Variants in CTSO observed in about 807,000 individuals in gnomAD.
CTSO encodes the protein cathepsin O.
Under a neutral mutation model 42.4 loss-of-function variants are expected in CTSO, and 40 were observed. The ratio of observed to expected loss-of-function variants is 0.94; its 90% CI spans 0.73 to 1.23. The LOEUF (loss-of-function observed/expected upper bound fraction) is 1.23. Among genes scored for constraint, CTSO ranks in the 50% most tolerant of loss-of-function variants. The probability of loss-of-function intolerance (pLI) is 0.00; values close to 1 mark genes in which losing one functional copy is unlikely to be tolerated. For missense variants in CTSO, 441 were observed against 396.0 expected, an observed-to-expected ratio of 1.11 and a Z score of -0.96; for synonymous variants, 156 against 146.2, an observed-to-expected ratio of 1.07 and a Z score of -0.48.
At chr4:155,931,786 T>TAA (rs1743238177) in intron 5 of CTSO, among the ~76,000 whole-genome samples, 2 of 150,872 alleles carry the variant, frequency 1.3e-5, no homozygotes, top group Non-Finnish European at 2.9e-5. Flanking sequence ...TAATTCGTTA[T>TAA]TATTATAACG....
chr4:155,935,532 C>T (rs552006629), intron 5 of CTSO, among the ~76,000 whole-genome samples: 57 of 152,186 alleles, frequency 3.7e-4, no homozygotes, highest in African/African-American at 1.2e-3. Context: ...TTCACTTGAA[C>T]ATAACCTTTT....
At chr4:155,932,498 C>G (rs780245901) in intron 5 of CTSO, among the ~76,000 whole-genome samples, 1 of 152,176 alleles carries the variant, frequency 6.6e-6, no homozygotes, top group Non-Finnish European at 1.5e-5. Flanking sequence ...GCTGTCACCA[C>G]TGCAATGCAC....
At chr4:155,934,416 C>G (rs543264676) in intron 5 of CTSO, among the ~76,000 whole-genome samples, 2 of 152,210 alleles carry the variant, frequency 1.3e-5, no homozygotes, top group African/African-American at 4.8e-5. Flanking sequence ...GGAGGCTCCA[C>G]ACAGAGTCCC....
chr4:155,926,064 G>C lies in CTSO; in HGVS notation c.938C>G (p.Ala313Gly). ...CACAAATATAGAAGAAACGGAATCT[G>C]CAATACCTAAGGGAAAAAAAAGGAA... ...VKMGSNVCGIADSVSSIFV is the reference protein window; with the variant it reads ...VKMGSNVCGIGDSVSSIFV The change falls in exon 8 of 8, where the codon GCA (alanine) becomes GGA (glycine). Residue 313 changes from alanine (A) to glycine (G), a missense_variant. Coordinates refer to ENST00000433477, the MANE Select transcript of CTSO (RefSeq NM_001334.3). The C allele has an allele frequency of 6.5e-7, 1 of 1,546,980 alleles. No homozygotes were observed. Among genetic ancestry groups the C allele is most frequent in the East Asian group, 2.4e-5 (1 of 42,240 alleles).
At chr4:155,929,503 A>T (rs1394431851) in intron 6 of CTSO, 39 bp downstream of exon 6, 1 of 1,580,826 alleles carries the variant, frequency 6.3e-7, no homozygotes, top group Non-Finnish European at 8.6e-7. Context: ...CTCAGTGTCC[A>T]TGCTGGAAAG....
chr4:155,949,357 A>T (rs1743605721), intron 1 of CTSO, among the ~76,000 whole-genome samples: 1 of 152,218 alleles, frequency 6.6e-6, no homozygotes, highest in Non-Finnish European at 1.5e-5. Flanking sequence ...GGCAGTGAAC[A>T]TCTATTATTT....
In CTSO at chr4:155,929,650, T is replaced by C; in HGVS notation, c.730A>G (p.Ile244Val). The C allele has an allele frequency of 1.9e-6, 3 of 1,614,028 alleles. No homozygotes were observed. The highest frequency in any genetic ancestry group is 2.5e-6 in the Non-Finnish European group (3 of 1,180,000). ...TCTTGCCAGCTCACTGCATCTACTATGACTACCAAAGGGCCAAAGGTAAGA... is the reference window on the plus strand; with the variant it reads ...TCTTGCCAGCTCACTGCATCTACTACGACTACCAAAGGGCCAAAGGTAAGA... ...ALLTFGPLVV[I>V]VDAVSWQDYL... The change falls in exon 6 of 8, where the codon ATA becomes GTA. Residue 244 changes from isoleucine (I) to valine (V), a missense_variant. Ile to Val is a conservative substitution (Grantham distance 29). Coordinates refer to ENST00000433477, the MANE Select transcript of CTSO (RefSeq NM_001334.3).
At position 155,928,359 on chromosome 4, in the gene CTSO, A is replaced by G. The variant is rs749677866; in HGVS notation, c.908T>C (p.Val303Ala). 1.9e-6 allele frequency: 3 copies of G among 1,612,634 alleles called. No homozygotes were observed. The South Asian group carries it at 3.3e-5, about 18-fold the overall frequency. The change falls in exon 7 of 8, where the codon GTC becomes GCC. Residue 303 changes from valine (V) to alanine (A), a missense_variant. By Grantham distance (64) the Val-to-Ala change is moderately conservative (BLOSUM62 0). Transcript: ENST00000433477. ...SSWGVDGYAHVKMGSNVCGIA... is the reference protein window; with the variant it reads ...SSWGVDGYAHAKMGSNVCGIA... ...ACCACAAACATTACTTCCCATTTTG[A>G]CATGGGCATAACCATCTACTCCCCA...
In CTSO at chr4:155,942,476, G is replaced by C; in HGVS notation, c.245-20C>G. 1 of 1,411,394 alleles carries C rather than the reference G, an allele frequency of 7.1e-7. No homozygotes were observed. Among genetic ancestry groups the C allele is most frequent in the Non-Finnish European group, 9.4e-7 (1 of 1,059,760 alleles). The allele number at this position is 1,411,394 out of a possible 1,614,324, so 87.4% of individuals were successfully genotyped here. ...AAATGGCTGAGTAGAAACATAAAAT[G>C]AAAATACAACCAATATTATATTACA... is the stretch of plus-strand genomic sequence containing the variant. On this transcript the variant is annotated intron_variant, in intron 2 of 7. Coordinates refer to ENST00000433477, the MANE Select transcript of CTSO (RefSeq NM_001334.3).
intron 5 of CTSO, among the ~76,000 whole-genome samples, chr4:155,932,203 T>C (rs1191860800): frequency 1.3e-5 from 2 of 152,198 alleles, no homozygotes; most frequent in Admixed American, 1.3e-4. Flanking sequence ...TTTAGATGAT[T>C]TTTTTCCCTT....
rs1743104425 is a variant in CTSO at position 155,924,973 on chromosome 4, A to G, written c.*1063T>C. 1 of 152,206 alleles carries G rather than the reference A, an allele frequency of 6.6e-6. No individual in the cohort carries two copies. The highest frequency in any genetic ancestry group is 6.5e-5 in the Admixed American group (1 of 15,272). The allele number at this position is 152,206 out of a possible 1,614,324, so 9.4% of individuals were successfully genotyped here. ...GGAAAGCTGAGGGGAAAACTGGGAA[A>G]CAGATTCTGGAAAACTCACAGTTTG... On this transcript the variant is annotated 3_prime_UTR_variant, in exon 8 of 8. Transcript: ENST00000433477.
intron 6 of CTSO, 58 bp downstream of exon 6, chr4:155,929,484 C>G: frequency 6.5e-7 from 1 of 1,531,558 alleles, no homozygotes. Context: ...GTATGGTGAT[C>G]ATTTTGCACT....
At chr4:155,943,561 T>G (rs1389434636) in intron 1 of CTSO, among the ~76,000 whole-genome samples, 2 of 151,984 alleles carry the variant, frequency 1.3e-5, no homozygotes, top group Admixed American at 1.3e-4. Context: ...ATTGACATAG[T>G]GGGAAAAAAG....
chr4:155,942,090 T>C (rs1743446791), intron 3 of CTSO, among the ~76,000 whole-genome samples: 1 of 152,000 alleles, frequency 6.6e-6, no homozygotes, highest in South Asian at 2.1e-4. Flanking sequence ...GCAATGGCAA[T>C]TAGTAAGAGT....
chr4:155,930,302 T>C (rs1743212071), intron 5 of CTSO, among the ~76,000 whole-genome samples: 1 of 152,112 alleles, frequency 6.6e-6, no homozygotes, highest in South Asian at 2.1e-4. Context: ...ATATAGAAAT[T>C]ATAGGGAAGG....
chr4:155,929,231 T>C (rs1743187356), intron 6 of CTSO, among the ~76,000 whole-genome samples: 1 of 152,220 alleles, frequency 6.6e-6, no homozygotes, highest in South Asian at 2.1e-4. Context: ...CCTGGCTTGC[T>C]GTCAATAAAT....
Position 155,939,318 on chromosome 4 carries a change from G to A in CTSO, c.552+53C>T, listed in dbSNP as rs535543438. 212 of 1,485,434 alleles carry A rather than the reference G, an allele frequency of 1.4e-4. 1 individual carries two copies. The highest frequency in any genetic ancestry group is 5.4e-4 in the Middle Eastern group (3 of 5,544). 92.0% of individuals were successfully genotyped at this position (1,485,434 alleles called of 1,614,324 possible). Reference sequence around the variant, plus strand: ...AAACTGTTTGAATTTTGAACACACAGTAAACAAGCAAAAAAGGAAATAAAG... The same window carrying A: ...AAACTGTTTGAATTTTGAACACACAATAAACAAGCAAAAAAGGAAATAAAG... On this transcript the variant is annotated intron_variant, in intron 4 of 7. Coordinates refer to ENST00000433477, the MANE Select transcript of CTSO (RefSeq NM_001334.3).
intron 7 of CTSO, 26 bp downstream of exon 7, chr4:155,928,310 G>T: frequency 6.6e-7 from 1 of 1,520,874 alleles, no homozygotes; most frequent in East Asian, 2.3e-5. Context: ...TTATATTGAG[G>T]TTTTAAACAC....
At position 155,935,934 on chromosome 4, in the gene CTSO, A is replaced by G. The variant is rs559200798; in HGVS notation, c.674+1428T>C. 2.6e-5 allele frequency among the ~76,000 whole-genome samples: 4 copies of G among 152,178 alleles called. No individual in the cohort carries two copies. In the East Asian group the frequency reaches 5.8e-4, roughly 22 times the overall value. ...AAGGCCCAATGCCAACAACTCCTGC[A>G]TTCTCTCTTTCCCTTAATTCAGACT... On this transcript the variant is annotated intron_variant, in intron 5 of 7. Transcript: ENST00000433477.
Sources: allele counts gnomAD v4.1 joint callset (sites outside exome capture counted in the v4.1 genomes callset), GRCh38; gene constraint gnomAD v4.1.1; transcripts MANE v1.5; gene names NCBI Gene and HGNC (gene_info 2026-07-23, HGNC 2026-07-21).